Variants in FSCN1 observed in about 807,000 individuals in gnomAD.
FSCN1 encodes the protein fascin actin-bundling protein 1, also known as fascin.
FSCN1 carries 10 observed loss-of-function variants against 39.7 expected under a neutral mutation model. The ratio of observed to expected loss-of-function variants is 0.25; its 90% CI spans 0.16 to 0.43. The LOEUF (loss-of-function observed/expected upper bound fraction) is 0.43. Among genes scored for constraint, FSCN1 ranks in the 20% least tolerant of loss-of-function variants. FSCN1 has a pLI of 1.00. For missense variants in FSCN1, 525 were observed against 723.8 expected (o/e 0.73, Z 3.15); for synonymous variants, 322 against 320.0 (o/e 1.01, Z -0.07).
At position 5,606,182 on chromosome 7, in the gene FSCN1, C is replaced by A. The variant is rs1051262625; in HGVS notation, c.*708C>A. On this transcript the variant is annotated 3_prime_UTR_variant, in exon 5 of 5. Transcript: ENST00000382361. This position sits in a 1 kb window ranked among gnomAD's most constrained non-coding sequence, Gnocchi z 5.1. ...TGTGGGGGCCGTCTTCCTCCTGTCT[C>A]TTTCCTTTCACCCTAGCCTGACTGG... 6.6e-6 allele frequency: 1 copy of A among 152,196 alleles called. No homozygotes were observed. Among genetic ancestry groups the A allele is most frequent in the African/African-American group, 2.4e-5 (1 of 41,424 alleles). 9.4% of individuals were successfully genotyped at this position (152,196 alleles called of 1,614,324 possible). A position where few individuals can be genotyped will look rare whatever the true frequency, so the allele number is the denominator to read the frequency against.
chr7:5,598,015 C>T lies in FSCN1; in HGVS notation c.832+4247C>T, dbSNP rs149148676. Among the ~76,000 whole-genome samples, 823 of 152,326 alleles carry T rather than the reference C, an allele frequency of 5.4e-3. 5 individuals carry two copies. The highest frequency in any genetic ancestry group is 0.018 in the African/African-American group (737 of 41,578). On this transcript the variant is annotated intron_variant, in intron 1 of 4. Transcript: ENST00000382361. The stretch of plus-strand genomic sequence containing the variant: ...TCTAATTAGAGACTCCAAGGCCAAG[C>T]GAGGGCCTTGGAGCCAGGAGGGGCC...
At chr7:5,604,504 C>T (rs1283161031) in intron 4 of FSCN1, among the ~76,000 whole-genome samples, 3 of 118,982 alleles carry the variant, frequency 2.5e-5, no homozygotes, top group African/African-American at 8.9e-5. Flanking sequence ...AGACTCACTC[C>T]CTCACCCTGG....
At chr7:5,597,710 CAAAA>C (rs201212419) in intron 1 of FSCN1, among the ~76,000 whole-genome samples, 2,784 of 141,668 alleles carry the variant, frequency 0.02, 39 homozygotes, top group Non-Finnish European at 0.031. Flanking sequence ...AACAAACAAA[CAAAA>C]AACTGTAATT....
In FSCN1 at chr7:5,603,103, T is replaced by G. The variant is rs1397851634; in HGVS notation, c.833-154T>G. On this transcript the variant is annotated intron_variant, in intron 1 of 4. Transcript: ENST00000382361. The surrounding 1 kb of genome is among the most constrained non-coding windows in gnomAD (Gnocchi z 8.5). The stretch of plus-strand genomic sequence containing the variant: ...CCTGCCTGCGTTCCTGGGTGCTCTC[T>G]GCTGCTTCTCATGTGTGCCACTGTG... The G allele has an allele frequency of 6.4e-6, 5 of 780,230 alleles. No homozygotes were observed. In the African/African-American group the frequency reaches 8.6e-5, roughly 13 times the overall value. The allele number at this position is 780,230 out of a possible 1,614,324, so 48.3% of individuals were successfully genotyped here. A position where few individuals can be genotyped will look rare whatever the true frequency, so the allele number is the denominator to read the frequency against.
chr7:5,592,921 CTCG>C lies in FSCN1; in HGVS notation c.-13_-11del. The stretch of plus-strand genomic sequence containing the variant: ...ACCTCCCGGGGCCGCGCAGCGGCCT[CTCG>C]TCTACTGCCACCATGACCGCCAACG... On this transcript the variant is annotated 5_prime_UTR_variant, in exon 1 of 5. Coordinates refer to ENST00000382361, the MANE Select transcript of FSCN1 (RefSeq NM_003088.4). The surrounding 1 kb of genome is among the most constrained non-coding windows in gnomAD (Gnocchi z 5.3). The C allele has an allele frequency of 4.8e-6, 7 of 1,461,230 alleles. No individual in the cohort carries two copies. The highest frequency in any genetic ancestry group is 6.4e-6 in the Non-Finnish European group (7 of 1,100,012). The allele number at this position is 1,461,230 out of a possible 1,614,324, so 90.5% of individuals were successfully genotyped here.
chr7:5,604,291 G>C (rs528293380), intron 4 of FSCN1, among the ~76,000 whole-genome samples: 1 of 151,748 alleles, frequency 6.6e-6, no homozygotes, highest in African/African-American at 2.4e-5. Flanking sequence ...GGGAGGGGAA[G>C]GAGAGCAGGG....
intron 1 of FSCN1, among the ~76,000 whole-genome samples, chr7:5,600,365 G>C (rs1785803197): frequency 1.3e-5 from 2 of 151,778 alleles, no homozygotes; most frequent in African/African-American, 2.4e-5. Flanking sequence ...AGTGAGGCGA[G>C]ATCGTGCCAT....
chr7:5,594,074 C>A, intron 1 of FSCN1: 1 of 384,816 alleles, frequency 2.6e-6, no homozygotes, highest in Non-Finnish European at 4.6e-6. Flanking sequence ...CTTGGCTCTC[C>A]CCACGCGCGC....
In FSCN1 at chr7:5,603,335, A is replaced by T. The variant is rs781751345; in HGVS notation, c.911A>T (p.Lys304Met). 1 of 1,613,710 alleles carries T rather than the reference A, an allele frequency of 6.2e-7. No individual in the cohort carries two copies. Among genetic ancestry groups the T allele is most frequent in the South Asian group, 1.1e-5 (1 of 91,084 alleles). The change falls in exon 2 of 5, where the codon AAG becomes ATG. Residue 304 changes from lysine (K) to methionine (M), a missense_variant. Physicochemically the swap from Lys to Met is moderately conservative, Grantham distance 95. Transcript: ENST00000382361. The surrounding 1 kb of genome is among the most constrained non-coding windows in gnomAD (Gnocchi z 8.5). ...CTGGAGATCGACCGCGACACCAAAA[A>T]GTGTGCCTTCCGTACCCACACGGGC... ...FQLEIDRDTK[K>M]CAFRTHTGKY...
Position 5,593,519 on chromosome 7 carries a change from T to C in FSCN1, c.583T>C (p.Phe195Leu), listed in dbSNP as rs1200055244. 4 of 1,604,456 alleles carry C rather than the reference T, an allele frequency of 2.5e-6. No individual in the cohort carries two copies. The African/African-American group carries it at 5.4e-5, about 22-fold the overall frequency. ...RYSVQTADHR[F>L]LRHDGRLVAR... ...CAGCGTGCAGACCGCCGACCACCGC[T>C]TCCTGCGCCACGACGGGCGCCTGGT... The change falls in exon 1 of 5, where the codon TTC becomes CTC. Residue 195 changes from phenylalanine (F) to leucine (L), a missense_variant. Coordinates refer to ENST00000382361, the MANE Select transcript of FSCN1 (RefSeq NM_003088.4).
At position 5,605,128 on chromosome 7, in the gene FSCN1, G is replaced by C. The variant is rs1785911070; in HGVS notation, c.1280-144G>C. ...TCCATCATGGACAGGAGGACGTGCG[G>C]GCCATAGGGACCCTGGCTCATTCCG... On this transcript the variant is annotated intron_variant, in intron 4 of 4. Transcript: ENST00000382361. The surrounding 1 kb of genome is among the most constrained non-coding windows in gnomAD (Gnocchi z 6.9). The C allele has an allele frequency of 7.8e-6, 5 of 642,232 alleles. No individual in the cohort carries two copies. The highest frequency in any genetic ancestry group is 1.4e-5 in the Non-Finnish European group (5 of 355,916). 39.8% of individuals were successfully genotyped at this position (642,232 alleles called of 1,614,324 possible).
chr7:5,594,054 C>G, intron 1 of FSCN1: 1 of 414,666 alleles, frequency 2.4e-6, no homozygotes, highest in Non-Finnish European at 4.3e-6. Context: ...AACCCCCCCC[C>G]CCGCCCAATC....
chr7:5,596,801 G>A (rs925238286), intron 1 of FSCN1, among the ~76,000 whole-genome samples: 10 of 152,238 alleles, frequency 6.6e-5, no homozygotes, highest in African/African-American at 1.7e-4. Context: ...GGCATTCTGA[G>A]CCCAGGGAAT....
rs758659055 is a variant in FSCN1, at chr7:5,603,389, G to C, written c.965G>C (p.Gly322Ala). 4.3e-6 allele frequency: 7 copies of C among 1,613,544 alleles called. No homozygotes were observed. The highest frequency in any genetic ancestry group is 4.2e-6 in the Non-Finnish European group (5 of 1,180,018). ...GKYWTLTATG[G>A]VQSTASSKNA... ...TACTGGACGCTGACGGCCACCGGGG[G>C]CGTGCAGTCCACCGCCTCCAGCAAG... The change falls in exon 2 of 5, where the codon GGC becomes GCC. Residue 322 changes from glycine to alanine, a missense_variant. Gly to Ala is a moderately conservative substitution (Grantham distance 60). Transcript: ENST00000382361. The surrounding 1 kb of genome is among the most constrained non-coding windows in gnomAD (Gnocchi z 8.5).
rs763345590 is a variant in FSCN1 at position 5,603,936 on chromosome 7, C to G, written c.1185C>G (p.Ile395Met). The change falls in exon 4 of 5, where the codon ATC becomes ATG. Residue 395 changes from isoleucine to methionine, a missense_variant. Ile to Met is a conservative substitution (Grantham distance 10, BLOSUM62 1). Transcript: ENST00000382361. The surrounding 1 kb of genome is among the most constrained non-coding windows in gnomAD (Gnocchi z 8.5). Reference protein sequence around the residue: ...IIVFRGEHGFIGCRKVTGTLD... With the variant: ...IIVFRGEHGFMGCRKVTGTLD... ...TGTTCCGCGGGGAGCATGGCTTCAT[C>G]GGCTGCCGCAAGGTCACGGGCACCC... is the stretch of plus-strand genomic sequence containing the variant. 21 of 1,613,878 alleles carry G rather than the reference C, an allele frequency of 1.3e-5. No homozygotes were observed. The highest frequency in any genetic ancestry group is 1.8e-5 in the Non-Finnish European group (21 of 1,179,994).
intron 1 of FSCN1, 107 bp downstream of exon 1, chr7:5,593,875 C>G (rs1320970670): frequency 2.6e-6 from 2 of 784,064 alleles, no homozygotes; most frequent in Non-Finnish European, 3.9e-6. Flanking sequence ...CGCTGCGGTC[C>G]GGAGCACTGC....
chr7:5,600,638 C>T (rs1446312504), intron 1 of FSCN1, among the ~76,000 whole-genome samples: 2 of 148,576 alleles, frequency 1.3e-5, no homozygotes, highest in African/African-American at 5.0e-5. Flanking sequence ...ATTACAGGCG[C>T]CCGGCACCAC....
At chr7:5,597,070 G>A (rs1163019231) in intron 1 of FSCN1, among the ~76,000 whole-genome samples, 2 of 152,210 alleles carry the variant, frequency 1.3e-5, no homozygotes, top group African/African-American at 4.8e-5. Flanking sequence ...AGAAGGCCAG[G>A]CACACTGGCT....
intron 1 of FSCN1, among the ~76,000 whole-genome samples, chr7:5,598,827 C>G (rs75088302): frequency 0.018 from 2,814 of 152,338 alleles, 75 homozygotes; most frequent in African/African-American, 0.062. Context: ...GGGGCTTCAG[C>G]GGAGCCCCAG....
Sources: allele counts gnomAD v4.1 joint callset (sites outside exome capture counted in the v4.1 genomes callset), GRCh38; gene constraint gnomAD v4.1.1; non-coding constraint Gnocchi (gnomAD v3.1); transcripts MANE v1.5; gene names NCBI Gene and HGNC (gene_info 2026-07-23, HGNC 2026-07-21).